Variants in HOXB6 observed in about 807,000 individuals in gnomAD.
HOXB6 encodes homeobox B6.
In HOXB6, 18 loss-of-function variants were observed where a neutral mutation model predicts 24.2. The observed-to-expected ratio is 0.74, with a 90% CI of 0.51 to 1.10. The LOEUF (loss-of-function observed/expected upper bound fraction) is 1.10. Ranked by LOEUF, HOXB6 falls within the 50% of genes least tolerant of loss-of-function variation. The pLI, the probability that HOXB6 is intolerant of heterozygous loss-of-function variation, is 0.00. For missense variants in HOXB6, 332 were observed against 308.3 expected, an observed-to-expected ratio of 1.08 and a Z score of -0.58; for synonymous variants, 159 against 139.1, an observed-to-expected ratio of 1.14 and a Z score of -1.01.
At chr17:48,600,771 G>C (rs1377514989) in intron 2 of HOXB6, among the ~76,000 whole-genome samples, 1 of 152,164 alleles carries the variant, frequency 6.6e-6, no homozygotes, top group South Asian at 2.1e-4. Context: ...GGAAGTGTGT[G>C]TTCAGAGAGA....
In HOXB6 at chr17:48,596,742, TC is replaced by T; in HGVS notation, c.416-71del. The T allele has an allele frequency of 6.3e-7, 1 of 1,593,354 alleles. No homozygotes were observed. Among genetic ancestry groups the T allele is most frequent in the Non-Finnish European group, 8.5e-7 (1 of 1,174,886 alleles). On this transcript the variant is annotated intron_variant, in intron 3 of 3. Transcript: ENST00000225648. This position sits in a 1 kb window ranked among gnomAD's most constrained non-coding sequence, Gnocchi z 4.8. The stretch of plus-strand genomic sequence containing the variant: ...CAGGACCCCCTCCCCTAGTCGACCC[TC>T]GAACACAGACTCCAGCCAGTACCGG...
chr17:48,599,952 T>C (rs2070418478), intron 2 of HOXB6, among the ~76,000 whole-genome samples: 1 of 152,164 alleles, frequency 6.6e-6, no homozygotes, highest in Non-Finnish European at 1.5e-5. Context: ...TGGGAACTTA[T>C]TTGGTTGCAA....
In HOXB6 at chr17:48,599,489, G is replaced by A. The variant is rs144283379; in HGVS notation, c.-78-1261C>T. ...TTGATAGGGAGAGAAGGTCGTTTGC[G>A]TTCTCTTGGGGACTCAGCAGGCTGC... On this transcript the variant is annotated intron_variant, in intron 2 of 3. Coordinates refer to ENST00000225648, the MANE Select transcript of HOXB6 (RefSeq NM_018952.5). Among the ~76,000 whole-genome samples the A allele has an allele frequency of 2.2e-3, 329 of 152,246 alleles. 1 individual carries two copies. The highest frequency in any genetic ancestry group is 3.4e-3 in the Middle Eastern group (1 of 294).
In HOXB6 at chr17:48,596,383, C is replaced by G; in HGVS notation, c.*30G>C. On this transcript the variant is annotated 3_prime_UTR_variant, in exon 4 of 4. Transcript: ENST00000225648. This position sits in a 1 kb window ranked among gnomAD's most constrained non-coding sequence, Gnocchi z 4.8. The stretch of plus-strand genomic sequence containing the variant: ...CCCTCGGCTCCCCACAGGCCTTTCC[C>G]CTCGCGTCCTCCCTCCCTTTCCAGC... 6.2e-7 allele frequency: 1 copy of G among 1,614,216 alleles called. No homozygotes were observed.
At position 48,597,907 on chromosome 17, in the gene HOXB6, G is replaced by T. The variant is rs1385186989; in HGVS notation, c.244C>A (p.Arg82Ser). ...CDYGPAPAFY[R>S]EKESACALSG... ...AGTGCGCAGGCCGACTCTTTCTCGC[G>T]GTAGAAGGCCGGCGCCGGCCCGTAG... Residue 82 changes from arginine to serine, a missense_variant, in exon 3 of 4, where the codon CGC becomes AGC. Physicochemically the swap from Arg to Ser is moderately radical, Grantham distance 110. Transcript: ENST00000225648. 2 of 1,581,208 alleles carry T rather than the reference G, an allele frequency of 1.3e-6. No individual in the cohort carries two copies. The highest frequency in any genetic ancestry group is 2.3e-5 in the East Asian group (1 of 42,710).
At chr17:48,599,003 T>C (rs1248341150) in intron 2 of HOXB6, among the ~76,000 whole-genome samples, 1 of 152,094 alleles carries the variant, frequency 6.6e-6, no homozygotes. Flanking sequence ...AGGAGCTTCT[T>C]GGAAGGCGGC....
chr17:48,598,175 C>T lies in HOXB6; in HGVS notation c.-25G>A. The T allele has an allele frequency of 6.4e-7, 1 of 1,553,656 alleles. No individual in the cohort carries two copies. Among genetic ancestry groups the T allele is most frequent in the Non-Finnish European group, 8.7e-7 (1 of 1,147,050 alleles). ...TTGGGAGGGGAGGCGCGCGCGGCCG[C>T]TGCTGCTCCGCCGGGTTTATGATTT... On this transcript the variant is annotated 5_prime_UTR_variant, in exon 3 of 4. Coordinates refer to ENST00000225648, the MANE Select transcript of HOXB6 (RefSeq NM_018952.5).
In HOXB6 at chr17:48,597,984, G is replaced by T; in HGVS notation, c.167C>A (p.Ser56Tyr). 1 of 1,590,292 alleles carries T rather than the reference G, an allele frequency of 6.3e-7. No individual in the cohort carries two copies. Among genetic ancestry groups the T allele is most frequent in the South Asian group, 1.1e-5 (1 of 88,120 alleles). The change falls in exon 3 of 4, where the codon TCC (serine) becomes TAC (tyrosine). Residue 56 changes from serine (S) to tyrosine (Y), a missense_variant. Coordinates refer to ENST00000225648, the MANE Select transcript of HOXB6 (RefSeq NM_018952.5). ...ACCGCCCGCCGGCGGGTAATAGGAG[G>T]AAGTGGCAAAGCCCTTGTCCTGGCC... ...GPGQDKGFATSSYYPPAGGGY... is the reference protein window; with the variant it reads ...GPGQDKGFATYSYYPPAGGGY...
At chr17:48,602,949 C>T (rs112478455) in intron 2 of HOXB6, among the ~76,000 whole-genome samples, 3 of 152,344 alleles carry the variant, frequency 2.0e-5, no homozygotes, top group African/African-American at 7.2e-5. Context: ...TCCCTCCAGG[C>T]GCCCAGGCCG....
At chr17:48,602,050 C>G (rs1206401425) in intron 2 of HOXB6, 1 of 453,906 alleles carries the variant, frequency 2.2e-6, no homozygotes, top group South Asian at 1.6e-5. Flanking sequence ...GTCCCACTAC[C>G]AAATTTTTCC....
Position 48,596,183 on chromosome 17 carries a change from G to A in HOXB6, c.*230C>T. 2.8e-6 allele frequency: 2 copies of A among 705,696 alleles called. No individual in the cohort carries two copies. Among genetic ancestry groups the A allele is most frequent in the Non-Finnish European group, 5.1e-6 (2 of 390,590 alleles). The allele number at this position is 705,696 out of a possible 1,614,324, so 43.7% of individuals were successfully genotyped here. On this transcript the variant is annotated 3_prime_UTR_variant, in exon 4 of 4. Transcript: ENST00000225648. This position sits in a 1 kb window ranked among gnomAD's most constrained non-coding sequence, Gnocchi z 4.8. ...GATCAGGCTGAGGCGAGTTCCTCGG[G>A]AAGGAAGGGCGCGCGGGATGCTGGG...
At chr17:48,599,787 G>T (rs973259737) in intron 2 of HOXB6, among the ~76,000 whole-genome samples, 4 of 152,192 alleles carry the variant, frequency 2.6e-5, no homozygotes, top group African/African-American at 9.7e-5. Flanking sequence ...ACAAGAAGGG[G>T]CCAGGGCATG....
rs1251295785 is a variant in HOXB6, at chr17:48,595,835, G to GTAT, written c.*575_*577dup. On this transcript the variant is annotated 3_prime_UTR_variant, in exon 4 of 4. Coordinates refer to ENST00000225648, the MANE Select transcript of HOXB6 (RefSeq NM_018952.5). ...CATCATCATCATCATCATCATCGAA[G>GTAT]TATTTCACGTCCAGAGCTAAGACAA... 1 of 229,320 alleles carries GTAT rather than the reference G, an allele frequency of 4.4e-6. No individual in the cohort carries two copies. The highest frequency in any genetic ancestry group is 8.9e-6 in the Non-Finnish European group (1 of 112,208). The allele number at this position is 229,320 out of a possible 1,614,324, so 14.2% of individuals were successfully genotyped here.
chr17:48,599,510 G>T (rs1381874795), intron 2 of HOXB6, among the ~76,000 whole-genome samples: 1 of 152,198 alleles, frequency 6.6e-6, no homozygotes, highest in Non-Finnish European at 1.5e-5. Context: ...GACTCAGCAG[G>T]CTGCTTCCAG....
chr17:48,597,370 T>G (rs1418533011), intron 3 of HOXB6, among the ~76,000 whole-genome samples: 1 of 152,138 alleles, frequency 6.6e-6, no homozygotes, highest in Non-Finnish European at 1.5e-5. Flanking sequence ...GAGCCGTCTT[T>G]GGTTGGGGAA....
Position 48,596,975 on chromosome 17 carries a change from T to G in HOXB6, c.416-303A>C, listed in dbSNP as rs991324149. On this transcript the variant is annotated intron_variant, in intron 3 of 3. Coordinates refer to ENST00000225648, the MANE Select transcript of HOXB6 (RefSeq NM_018952.5). This position sits in a 1 kb window ranked among gnomAD's most constrained non-coding sequence, Gnocchi z 4.8. ...AGTTGCATCTTGTCTTTCCCTCCCT[T>G]TCCATCCATCTTGTTCCCACCCCCC... is the stretch of plus-strand genomic sequence containing the variant. The G allele has an allele frequency of 2.3e-6, 3 of 1,284,538 alleles. No individual in the cohort carries two copies. Among genetic ancestry groups the G allele is most frequent in the East Asian group, 3.7e-5 (1 of 27,132 alleles). The allele number at this position is 1,284,538 out of a possible 1,614,324, so 79.6% of individuals were successfully genotyped here. A position where few individuals can be genotyped will look rare whatever the true frequency, so the allele number is the denominator to read the frequency against.
chr17:48,602,936 C>T (rs901092029), intron 2 of HOXB6, among the ~76,000 whole-genome samples: 1 of 152,220 alleles, frequency 6.6e-6, no homozygotes, highest in Non-Finnish European at 1.5e-5. Flanking sequence ...CGAAGCCCAG[C>T]GGTCCCTCCA....
Position 48,597,830 on chromosome 17 carries a change from G to A in HOXB6, c.321C>T (p.Asp107=). ...PPFHPEPRKS[D]CAQDKSVFGE... ...CGAACACGCTCTTGTCCTGCGCGCA[G>A]TCCGACTTCCGCGGCTCGGGGTGGA... The change falls in exon 3 of 4, where the codon GAC becomes GAT. Residue 107 remains aspartate, a synonymous_variant. Coordinates refer to ENST00000225648, the MANE Select transcript of HOXB6 (RefSeq NM_018952.5). The A allele has an allele frequency of 6.2e-7, 1 of 1,604,426 alleles. No homozygotes were observed. The highest frequency in any genetic ancestry group is 8.5e-7 in the Non-Finnish European group (1 of 1,174,840).
chr17:48,597,545 C>G (rs2070336716), intron 3 of HOXB6, among the ~76,000 whole-genome samples, 191 bp downstream of exon 3: 1 of 152,146 alleles, frequency 6.6e-6, no homozygotes, highest in African/African-American at 2.4e-5. Flanking sequence ...ACTTTGCAAA[C>G]TTTGTAACTC....
Sources: gnomAD v4.1 joint callset for allele counts (sites outside exome capture counted in the v4.1 genomes callset) on GRCh38, gnomAD v4.1.1 for gene constraint, Gnocchi (gnomAD v3.1) non-coding constraint, MANE v1.5 for transcripts, NCBI Gene and HGNC (gene_info 2026-07-23, HGNC 2026-07-21) for gene names.